STAT4: variants seen among roughly 807,000 people sequenced by gnomAD.
STAT4 encodes the protein signal transducer and activator of transcription 4.
In STAT4, 42 loss-of-function variants were observed where a neutral mutation model predicts 110.5. The observed-to-expected ratio is 0.38, with a 90% CI of 0.30 to 0.49. The LOEUF (loss-of-function observed/expected upper bound fraction) is 0.49, where lower values mean the gene tolerates loss of function less well. Among genes scored for constraint, STAT4 ranks in the 20% least tolerant of loss-of-function variants. The pLI, the probability that STAT4 is intolerant of heterozygous loss-of-function variation, is 0.95. For synonymous variants in STAT4, 284 were observed against 302.2 expected (o/e 0.94, Z 0.63); for missense variants, 632 against 887.9 (o/e 0.71, Z 3.66).
At chr2:191,101,995 T>C (rs1032137253) in intron 3 of STAT4, among the ~76,000 whole-genome samples, 1 of 151,002 alleles carries the variant, frequency 6.6e-6, no homozygotes, top group East Asian at 1.9e-4. Context: ...TAGTTTGATA[T>C]ATCTTTGCCC....
chr2:191,143,716 G>T lies in STAT4; in HGVS notation c.273+2897C>A, dbSNP rs1699391330. On this transcript the variant is annotated intron_variant, in intron 3 of 23. Coordinates refer to ENST00000392320, the MANE Select transcript of STAT4 (RefSeq NM_003151.4). This position sits in a 1 kb window ranked among gnomAD's most constrained non-coding sequence, Gnocchi z 5.6. ...TCCTTTTTGCTGTAATTGTCAACAT[G>T]GTTTGTATTTAAAATCCCAGAGGAT... Among the ~76,000 whole-genome samples, 1 of 152,054 alleles carries T rather than the reference G, an allele frequency of 6.6e-6. No homozygotes were observed. The highest frequency in any genetic ancestry group is 1.9e-4 in the East Asian group (1 of 5,198).
chr2:191,095,279 G>A (rs1255491898), intron 3 of STAT4, among the ~76,000 whole-genome samples: 1 of 152,160 alleles, frequency 6.6e-6, no homozygotes, highest in Non-Finnish European at 1.5e-5. Flanking sequence ...GACATCTACA[G>A]AACTCTCCAC....
intron 3 of STAT4, among the ~76,000 whole-genome samples, chr2:191,081,686 A>G (rs1190853693): frequency 1.3e-5 from 2 of 151,906 alleles, no homozygotes; most frequent in Admixed American, 6.6e-5. Context: ...TAAAGTTCTT[A>G]TTCTTAGACA....
rs903114151 is a variant in STAT4, at chr2:191,129,153, A to T, written c.273+17460T>A. On this transcript the variant is annotated intron_variant, in intron 3 of 23. Coordinates refer to ENST00000392320, the MANE Select transcript of STAT4 (RefSeq NM_003151.4). ...GATATTTACAAAAGGCATACCCAGTAAAAAAAACACAGAAAGTGTAAAAAT... is the reference window on the plus strand; with the variant it reads ...GATATTTACAAAAGGCATACCCAGTTAAAAAAACACAGAAAGTGTAAAAAT... Among the ~76,000 whole-genome samples, 28 of 152,032 alleles carry T rather than the reference A, an allele frequency of 1.8e-4. No homozygotes were observed. The South Asian group carries it at 2.1e-3, about 11-fold the overall frequency.
upstream of STAT4, chr2:191,151,293 G>A: frequency 1.0e-6 from 1 of 985,664 alleles, no homozygotes; most frequent in Non-Finnish European, 1.2e-6. This position sits in a 1 kb window ranked among gnomAD's most constrained non-coding sequence, Gnocchi z 4.7. Context: ...TTCTTCAGTG[G>A]TTTCCTTAGA....
intron 5 of STAT4, among the ~76,000 whole-genome samples, chr2:191,072,438 G>C (rs1413010578): frequency 1.3e-5 from 2 of 152,116 alleles, no homozygotes; most frequent in East Asian, 1.9e-4. Context: ...TGTTATGGAG[G>C]ATCACTAAAT....
At position 191,046,293 on chromosome 2, in the gene STAT4, G is replaced by A. The variant is rs151129647; in HGVS notation, c.1252-5145C>T. Among the ~76,000 whole-genome samples, 10 of 152,252 alleles carry A rather than the reference G, an allele frequency of 6.6e-5. No individual in the cohort carries two copies. The highest frequency in any genetic ancestry group is 7.4e-5 in the Non-Finnish European group (5 of 68,012). On this transcript the variant is annotated intron_variant, in intron 14 of 23. Transcript: ENST00000392320. This position sits in a 1 kb window ranked among gnomAD's most constrained non-coding sequence, Gnocchi z 4.6. ...GCCTTGACATATCCTTCACATAACC[G>A]AATTGGCCAGGTTTTAGCTCCTTGA...
chr2:191,036,087 A>G (rs1696035927), intron 17 of STAT4, 77 bp downstream of exon 17: 4 of 1,505,932 alleles, frequency 2.7e-6, no homozygotes, highest in East Asian at 2.3e-5. Flanking sequence ...TATTAGTAGT[A>G]GTAATAGCGT....
chr2:191,106,023 CTTGCGG>C (rs1698268704), intron 3 of STAT4, among the ~76,000 whole-genome samples: 1 of 152,134 alleles, frequency 6.6e-6, no homozygotes, highest in Non-Finnish European at 1.5e-5. Context: ...GAAGAGGGAC[CTTGCGG>C]TGGCTTTTCT....
chr2:191,043,406 G>A lies in STAT4; in HGVS notation c.1252-2258C>T, dbSNP rs1696260621. Among the ~76,000 whole-genome samples the A allele has an allele frequency of 6.6e-6, 1 of 152,162 alleles. No homozygotes were observed. Among genetic ancestry groups the A allele is most frequent in the Admixed American group, 6.5e-5 (1 of 15,278 alleles). The stretch of plus-strand genomic sequence containing the variant: ...ACACAAGTTCTGGAAAGAGAACAGA[G>A]AAAATGGAGTAGAGGAAATGTCAAA... On this transcript the variant is annotated intron_variant, in intron 14 of 23. Coordinates refer to ENST00000392320, the MANE Select transcript of STAT4 (RefSeq NM_003151.4). The surrounding 1 kb of genome is among the most constrained non-coding windows in gnomAD (Gnocchi z 4.8).
rs1696011022 is a variant in STAT4 at position 191,035,195 on chromosome 2, A to G, written c.1571-598T>C. 6.6e-6 allele frequency among the ~76,000 whole-genome samples: 1 copy of G among 152,246 alleles called. No individual in the cohort carries two copies. The highest frequency in any genetic ancestry group is 6.5e-5 in the Admixed American group (1 of 15,286). On this transcript the variant is annotated intron_variant, in intron 17 of 23. Coordinates refer to ENST00000392320, the MANE Select transcript of STAT4 (RefSeq NM_003151.4). This position sits in a 1 kb window ranked among gnomAD's most constrained non-coding sequence, Gnocchi z 4.7. ...AATAATTTGATAAAGGTCTGAAAGG[A>G]TATGGTTTCTATCTATACTACATGT...
chr2:191,031,655 GT>G lies in STAT4; in HGVS notation c.2045-140del. ...CAGTTGTTCGGTGATACACAGAAATGTTTTGTTAAATAGGGGACACAATCTT... is the reference window on the plus strand; with the variant it reads ...CAGTTGTTCGGTGATACACAGAAATGTTTGTTAAATAGGGGACACAATCTT... On this transcript the variant is annotated intron_variant, in intron 21 of 23. Transcript: ENST00000392320. The surrounding 1 kb of genome is among the most constrained non-coding windows in gnomAD (Gnocchi z 4.8). 1.5e-6 allele frequency: 1 copy of G among 669,124 alleles called. No individual in the cohort carries two copies. The allele number at this position is 669,124 out of a possible 1,614,324, so 41.4% of individuals were successfully genotyped here. A position where few individuals can be genotyped will look rare whatever the true frequency, so the allele number is the denominator to read the frequency against.
intron 3 of STAT4, among the ~76,000 whole-genome samples, chr2:191,130,560 T>C (rs1420805916): frequency 2.0e-5 from 3 of 151,728 alleles, no homozygotes; most frequent in African/African-American, 7.3e-5. Context: ...TTTGTTATCC[T>C]CTGTTACTTT....
chr2:191,095,355 A>G (rs1416164314), intron 3 of STAT4, among the ~76,000 whole-genome samples: 4 of 152,360 alleles, frequency 2.6e-5, no homozygotes, highest in Middle Eastern at 3.4e-3. Context: ...TTGACCACAT[A>G]GTTGGAAGTA....
rs376216953 is a variant in STAT4 at position 191,074,465 on chromosome 2, T to G, written c.373-1275A>C. 2.8e-4 allele frequency among the ~76,000 whole-genome samples: 42 copies of G among 152,192 alleles called. 3 individuals carry two copies. Among genetic ancestry groups the G allele is most frequent in the Admixed American group, 2.2e-3 (34 of 15,276 alleles). On this transcript the variant is annotated intron_variant, in intron 4 of 23. Transcript: ENST00000392320. ...TAGTTGAAATTTAATAACCAGCACT[T>G]CTTTTGTGGTAGTATGTGGTATTAG...
At chr2:191,094,372 C>T (rs1249761808) in intron 3 of STAT4, among the ~76,000 whole-genome samples, 1 of 152,214 alleles carries the variant, frequency 6.6e-6, no homozygotes, top group Non-Finnish European at 1.5e-5. Flanking sequence ...GGAAGCCCAT[C>T]AGACTAACAG....
chr2:191,035,825 G>A lies in STAT4; in HGVS notation c.1570+339C>T. Among the ~76,000 whole-genome samples the A allele has an allele frequency of 6.6e-6, 1 of 152,222 alleles. No individual in the cohort carries two copies. The highest frequency in any genetic ancestry group is 2.1e-4 in the South Asian group (1 of 4,838). On this transcript the variant is annotated intron_variant, in intron 17 of 23. Coordinates refer to ENST00000392320, the MANE Select transcript of STAT4 (RefSeq NM_003151.4). This position sits in a 1 kb window ranked among gnomAD's most constrained non-coding sequence, Gnocchi z 4.7. ...ATATTTAGTGGAAATATACCCTGGAGACTGGGGTGGGGAATAGACAAGGAG... is the reference window on the plus strand; with the variant it reads ...ATATTTAGTGGAAATATACCCTGGAAACTGGGGTGGGGAATAGACAAGGAG...
In STAT4 at chr2:191,062,646, C is replaced by T. The variant is rs1696881280; in HGVS notation, c.941+116G>A. 8.8e-7 allele frequency: 1 copy of T among 1,136,746 alleles called. No homozygotes were observed. Among genetic ancestry groups the T allele is most frequent in the African/African-American group, 1.6e-5 (1 of 63,748 alleles). The allele number at this position is 1,136,746 out of a possible 1,614,324, so 70.4% of individuals were successfully genotyped here. A position where few individuals can be genotyped will look rare whatever the true frequency, so the allele number is the denominator to read the frequency against. ...ACTTTCTGGGGTTCTATTCACTTCT[C>T]CCTGAGGCTCGTTGTTGAATACTTC... is the stretch of plus-strand genomic sequence containing the variant. On this transcript the variant is annotated intron_variant, in intron 9 of 23. Transcript: ENST00000392320. This position sits in a 1 kb window ranked among gnomAD's most constrained non-coding sequence, Gnocchi z 4.9.
Position 191,029,973 on chromosome 2 carries a change from T to C in STAT4, c.2221-107A>G, listed in dbSNP as rs769222081. ...TCTTTTCTACGAATTACTCCATAATTTTTCTATTACCTAGTTAAAATACTT... is the reference window on the plus strand; with the variant it reads ...TCTTTTCTACGAATTACTCCATAATCTTTCTATTACCTAGTTAAAATACTT... On this transcript the variant is annotated intron_variant, in intron 23 of 23. Transcript: ENST00000392320. The surrounding 1 kb of genome is among the most constrained non-coding windows in gnomAD (Gnocchi z 4.5). The C allele has an allele frequency of 1.1e-6, 1 of 875,516 alleles. No individual in the cohort carries two copies. The highest frequency in any genetic ancestry group is 1.8e-6 in the Non-Finnish European group (1 of 558,654). The allele number at this position is 875,516 out of a possible 1,614,324, so 54.2% of individuals were successfully genotyped here. A position where few individuals can be genotyped will look rare whatever the true frequency, so the allele number is the denominator to read the frequency against.
Sources: allele counts gnomAD v4.1 joint callset (sites outside exome capture counted in the v4.1 genomes callset), GRCh38; gene constraint gnomAD v4.1.1; non-coding constraint Gnocchi (gnomAD v3.1); transcripts MANE v1.5; gene names NCBI Gene and HGNC (gene_info 2026-07-23, HGNC 2026-07-21).